The following SHTN1 variants were observed in gnomAD, a reference collection of about 807,000 sequenced individuals.
SHTN1 encodes shootin 1, also known as shootin-1.
A neutral mutation model predicts 83.1 loss-of-function variants in SHTN1; 42 were observed. The ratio of observed to expected loss-of-function variants is 0.51; its 90% CI spans 0.39 to 0.65. The LOEUF (loss-of-function observed/expected upper bound fraction) is 0.65, where lower values mean the gene tolerates loss of function less well. SHTN1 is among the 30% of genes least tolerant of loss of function. The pLI, the probability that SHTN1 is intolerant of heterozygous loss-of-function variation, is 0.00. For synonymous variants in SHTN1, 224 were observed against 247.7 expected (o/e 0.90, Z 0.90); for missense variants, 622 against 737.8 (o/e 0.84, Z 1.82).
intron 4 of SHTN1, 122 bp downstream of exon 4, chr10:116,960,011 CCCT>C (rs1850126131): frequency 1.7e-6 from 1 of 573,044 alleles, no homozygotes; most frequent in African/African-American, 1.9e-5. Context: ...TTTAACATTT[CCCT>C]CATCATCAGA....
Position 116,995,745 on chromosome 10 carries a change from G to A in SHTN1, c.58+9277C>T, listed in dbSNP as rs1056817182. 2.0e-5 allele frequency among the ~76,000 whole-genome samples: 3 copies of A among 151,762 alleles called. 1 individual carries two copies. Among genetic ancestry groups the A allele is most frequent in the Non-Finnish European group, 4.4e-5 (3 of 67,944 alleles). ...GATATGACCAGTTTTTGGGAACTGA[G>A]GTCCCTAGAGGAACCTCAGTTTAAT... On this transcript the variant is annotated intron_variant, in intron 1 of 16. Coordinates refer to ENST00000355371, the MANE Select transcript of SHTN1 (RefSeq NM_001127211.3).
At chr10:117,043,856 T>C (rs191100961) in intron 2 of SHTN1, among the ~76,000 whole-genome samples, 159 of 151,456 alleles carry the variant, frequency 1.0e-3, no homozygotes, top group Non-Finnish European at 1.8e-3. Context: ...AATAAATAAA[T>C]AAACAAACAA....
At chr10:116,971,248 G>C (rs1395562006) in intron 2 of SHTN1, among the ~76,000 whole-genome samples, 1 of 152,046 alleles carries the variant, frequency 6.6e-6, no homozygotes, top group African/African-American at 2.4e-5. Flanking sequence ...AGTTAGGCTG[G>C]ACCTAACTTA....
chr10:117,105,636 T>C (rs1278651910), intron 1 of SHTN1, among the ~76,000 whole-genome samples: 1 of 152,194 alleles, frequency 6.6e-6, no homozygotes, highest in East Asian at 1.9e-4. Flanking sequence ...TGACAGTATA[T>C]TTTCTAAACA....
At chr10:117,082,411 T>C (rs1317544811) in intron 1 of SHTN1, among the ~76,000 whole-genome samples, 1 of 149,792 alleles carries the variant, frequency 6.7e-6, no homozygotes, top group African/African-American at 2.4e-5. Context: ...TAGTTTGTTA[T>C]AATTTCTGTT....
chr10:117,121,126 TATTAA>T (rs1853918477), intron 1 of SHTN1, among the ~76,000 whole-genome samples: 1 of 152,162 alleles, frequency 6.6e-6, no homozygotes, highest in African/African-American at 2.4e-5. Context: ...TATATAAATG[TATTAA>T]ATTATCACAG....
intron 1 of SHTN1, among the ~76,000 whole-genome samples, chr10:117,089,764 CA>C (rs1194670282): frequency 1.3e-5 from 2 of 151,576 alleles, no homozygotes; most frequent in African/African-American, 2.4e-5. Context: ...CAAGCTGACT[CA>C]AAAATAGGAA....
intron 1 of SHTN1, among the ~76,000 whole-genome samples, chr10:117,114,069 G>A (rs77948329): frequency 2.0e-5 from 3 of 151,746 alleles, no homozygotes; most frequent in Non-Finnish European, 4.4e-5. Flanking sequence ...AAAAAAAAAA[G>A]CTGGGCACAA....
intron 1 of SHTN1, among the ~76,000 whole-genome samples, chr10:117,106,752 T>C (rs1251583129): frequency 1.3e-5 from 2 of 152,210 alleles, no homozygotes; most frequent in Admixed American, 1.3e-4. Flanking sequence ...GGGGTGATCA[T>C]GTTTCTTATG....
chr10:117,116,989 T>C (rs1355476698), intron 1 of SHTN1, among the ~76,000 whole-genome samples: 1 of 152,052 alleles, frequency 6.6e-6, no homozygotes, highest in African/African-American at 2.4e-5. Context: ...TCCTCTAAGA[T>C]GTGGAACAAG....
chr10:117,118,977 C>A (rs1337279098), intron 1 of SHTN1, among the ~76,000 whole-genome samples: 2 of 152,096 alleles, frequency 1.3e-5, no homozygotes, highest in Non-Finnish European at 2.9e-5. Context: ...GATATATATA[C>A]ACAATGAAAT....
At position 116,886,555 on chromosome 10, in the gene SHTN1, C is replaced by A. The variant is rs1474256276; in HGVS notation, c.1685G>T (p.Ser562Ile). The A allele has an allele frequency of 1.2e-6, 2 of 1,613,954 alleles. No individual in the cohort carries two copies. The highest frequency in any genetic ancestry group is 1.7e-6 in the Non-Finnish European group (2 of 1,180,040). The change falls in exon 17 of 17, where the codon AGC (serine) becomes ATC (isoleucine). Residue 562 changes from serine to isoleucine, a missense_variant. Around this residue, in one of 3 missense-constraint regions of SHTN1, gnomAD observed 231 missense variants for 251.6 expected, o/e 0.92. Transcript: ENST00000355371. ...SSKVTFQPPS[S>I]IGCRKKYIDG... Reference sequence around the variant, plus strand: ...AATGTATTTTTTCCTGCATCCAATGCTACTGGGAGGCCTATGAGATGAAGA... The same window carrying A: ...AATGTATTTTTTCCTGCATCCAATGATACTGGGAGGCCTATGAGATGAAGA...
At chr10:117,068,226 CT>C (rs1219632770) in intron 1 of SHTN1, among the ~76,000 whole-genome samples, 1 of 152,086 alleles carries the variant, frequency 6.6e-6, no homozygotes, top group Non-Finnish European at 1.5e-5. Context: ...ACACCATCTG[CT>C]AAAAATACAA....
At chr10:117,058,184 T>A (rs1282911417) in intron 1 of SHTN1, among the ~76,000 whole-genome samples, 1 of 152,126 alleles carries the variant, frequency 6.6e-6, no homozygotes, top group Non-Finnish European at 1.5e-5. Context: ...TTGGACTCCA[T>A]GAAAATCAAA....
At chr10:116,976,645 C>T (rs1196014092) in intron 2 of SHTN1, among the ~76,000 whole-genome samples, 1 of 152,172 alleles carries the variant, frequency 6.6e-6, no homozygotes, top group Non-Finnish European at 1.5e-5. Context: ...AAATGCTGTT[C>T]TCCATTTACC....
chr10:117,083,072 G>A (rs1171891794), intron 1 of SHTN1, among the ~76,000 whole-genome samples: 1 of 151,106 alleles, frequency 6.6e-6, no homozygotes, highest in African/African-American at 2.4e-5. Flanking sequence ...ATTTGATCCT[G>A]TCATTATGAT....
At chr10:116,970,152 C>T (rs188908536) in intron 2 of SHTN1, among the ~76,000 whole-genome samples, 119 of 152,070 alleles carry the variant, frequency 7.8e-4, no homozygotes, top group African/African-American at 2.7e-3. Flanking sequence ...AAATCTGATA[C>T]CAGGAGACAG....
intron 1 of SHTN1, among the ~76,000 whole-genome samples, chr10:117,053,351 T>C (rs1221832493): frequency 6.6e-6 from 1 of 152,074 alleles, no homozygotes; most frequent in Non-Finnish European, 1.5e-5. Flanking sequence ...GGAAAATATT[T>C]ATGGAGTATA....
chr10:116,965,550 C>A (rs1294956630), intron 3 of SHTN1, among the ~76,000 whole-genome samples: 1 of 152,202 alleles, frequency 6.6e-6, no homozygotes, highest in Non-Finnish European at 1.5e-5. Context: ...GTTAACGTTA[C>A]AGGGATTTCA....
Sources: allele counts gnomAD v4.1 joint callset (sites outside exome capture counted in the v4.1 genomes callset), GRCh38; gene constraint gnomAD v4.1.1; regional missense constraint gnomAD v4.1.1; transcripts MANE v1.5; gene names NCBI Gene and HGNC (gene_info 2026-07-23, HGNC 2026-07-21).